NLRP14: variants seen among roughly 807,000 people sequenced by gnomAD.
The protein encoded by NLRP14 is NLR family pyrin domain containing 14.
In NLRP14, 105 loss-of-function variants were observed where a neutral mutation model predicts 94.7. That is an observed-to-expected ratio of 1.11 (90% CI 0.95 to 1.30). The LOEUF (loss-of-function observed/expected upper bound fraction) is 1.30, where lower values mean the gene tolerates loss of function less well. NLRP14 is among the 50% of genes most tolerant of loss of function. The probability of loss-of-function intolerance (pLI) is 0.00; values close to 1 mark genes in which losing one functional copy is unlikely to be tolerated. For missense variants in NLRP14, 1,362 were observed against 1,254.1 expected, an observed-to-expected ratio of 1.09 and a Z score of -1.30; for synonymous variants, 508 against 459.9, an observed-to-expected ratio of 1.10 and a Z score of -1.34.
Position 7,038,547 on chromosome 11 carries a change from A to T in NLRP14, c.-21-19A>T, listed in dbSNP as rs756845694. 10 of 1,589,550 alleles carry T rather than the reference A, an allele frequency of 6.3e-6. No individual in the cohort carries two copies. Among genetic ancestry groups the T allele is most frequent in the African/African-American group, 1.3e-5 (1 of 74,258 alleles). On this transcript the variant is annotated intron_variant, in intron 1 of 11. Coordinates refer to ENST00000299481, the MANE Select transcript of NLRP14 (RefSeq NM_176822.4). ...CCATTTATTCCATGTGCTTTTGGTT[A>T]TTTTTTTTCCCCCCACAGAGGCCTG... is the stretch of plus-strand genomic sequence containing the variant.
chr11:7,068,771 C>T (rs2119716538), intron 10 of NLRP14, among the ~76,000 whole-genome samples: 1 of 152,282 alleles, frequency 6.6e-6, no homozygotes, highest in Middle Eastern at 3.4e-3. Flanking sequence ...GCCTCCCAGC[C>T]TCACGAGTAG....
At chr11:7,062,212 C>T in intron 9 of NLRP14, 121 bp from the exon 10 acceptor site, 1 of 830,248 alleles carries the variant, frequency 1.2e-6, no homozygotes, top group Non-Finnish European at 2.0e-6. Context: ...CCATGTATGT[C>T]CTGGATTGTA....
chr11:7,064,787 C>CTGTAAA (rs1176841252), intron 10 of NLRP14, among the ~76,000 whole-genome samples: 1 of 152,040 alleles, frequency 6.6e-6, no homozygotes, highest in Admixed American at 6.6e-5. Context: ...ATATATGTAG[C>CTGTAAA]TGTAAAGTTC....
At chr11:7,033,318 G>A (rs778156606) in intron 1 of NLRP14, among the ~76,000 whole-genome samples, 2 of 152,082 alleles carry the variant, frequency 1.3e-5, no homozygotes, top group African/African-American at 2.4e-5. Flanking sequence ...CAGTTTTAAG[G>A]AATAACCATT....
intron 6 of NLRP14, among the ~76,000 whole-genome samples, chr11:7,051,408 T>C (rs1227832873): frequency 6.6e-6 from 1 of 152,192 alleles, no homozygotes; most frequent in East Asian, 1.9e-4. Context: ...TGCACAAGTT[T>C]TTAGAATTGC....
At chr11:7,065,692 T>C (rs373559278) in intron 10 of NLRP14, among the ~76,000 whole-genome samples, 9 of 152,054 alleles carry the variant, frequency 5.9e-5, no homozygotes, top group African/African-American at 2.2e-4. Flanking sequence ...CTACACCTAG[T>C]TTTCTAGGAG....
chr11:7,044,277 A>T (rs1333961235), intron 4 of NLRP14, among the ~76,000 whole-genome samples: 1 of 152,162 alleles, frequency 6.6e-6, no homozygotes, highest in African/African-American at 2.4e-5. Context: ...CTCAGGGGGA[A>T]TGAGCACTTC....
intron 4 of NLRP14, among the ~76,000 whole-genome samples, chr11:7,046,362 C>T (rs1276904499): frequency 1.3e-5 from 2 of 152,152 alleles, no homozygotes; most frequent in Non-Finnish European, 2.9e-5. Context: ...GATATTGGCT[C>T]TTCAAGTATT....
At chr11:7,051,254 G>A (rs1010298645) in intron 6 of NLRP14, among the ~76,000 whole-genome samples, 2 of 152,206 alleles carry the variant, frequency 1.3e-5, no homozygotes, top group African/African-American at 2.4e-5. Context: ...TTCCCCCAGT[G>A]TGGATGGCCA....
At chr11:7,082,204 A>T in the NLRP14 span, among the ~76,000 whole-genome samples, 1 of 152,212 alleles carries the variant, frequency 6.6e-6, no homozygotes, top group African/African-American at 2.4e-5. Flanking sequence ...CATCTGTCTG[A>T]GCAACATTTT....
the NLRP14 span, chr11:7,089,077 T>TCACCGCCTCC: frequency 1.3e-6 from 2 of 1,593,848 alleles, no homozygotes; most frequent in Middle Eastern, 1.7e-4. Flanking sequence ...TGGCGCCGCC[T>TCACCGCCTCC]CACCGCCTCC....
intron 1 of NLRP14, among the ~76,000 whole-genome samples, chr11:7,022,959 A>G (rs1237723004): frequency 1.3e-5 from 2 of 152,170 alleles, no homozygotes; most frequent in Non-Finnish European, 2.9e-5. Flanking sequence ...CAAAAATTAT[A>G]AGGACAGAAA....
At chr11:7,089,284 C>T in the NLRP14 span, 1 of 1,608,210 alleles carries the variant, frequency 6.2e-7, no homozygotes. Context: ...GCGTTCGTCA[C>T]CTTTGAAAGC....
At chr11:7,067,871 A>G (rs1332356934) in intron 10 of NLRP14, among the ~76,000 whole-genome samples, 19 of 152,016 alleles carry the variant, frequency 1.2e-4, no homozygotes, top group Admixed American at 1.2e-3. Context: ...GTAAGATTGG[A>G]ATTATTTCTT....
chr11:7,025,551 G>C (rs760537727), intron 1 of NLRP14, among the ~76,000 whole-genome samples: 2 of 152,102 alleles, frequency 1.3e-5, no homozygotes, highest in Admixed American at 6.5e-5. Flanking sequence ...TAAATTATTA[G>C]TCATTATGCT....
intron 1 of NLRP14, among the ~76,000 whole-genome samples, chr11:7,032,668 G>T (rs1852114490): frequency 6.6e-6 from 1 of 151,954 alleles, no homozygotes; most frequent in Admixed American, 6.6e-5. Context: ...ATCTGCCTAA[G>T]TTTGAAAATT....
At position 7,042,241 on chromosome 11, in the gene NLRP14, TA is replaced by T. The variant is rs988002195; in HGVS notation, c.362-141del. On this transcript the variant is annotated intron_variant, in intron 3 of 11. Transcript: ENST00000299481. ...GGAATATTTTTATTTATATTATTTT[TA>T]AAAAATCAAAACCAGCTCTGATTTC... The T allele has an allele frequency of 1.2e-4, 72 of 595,728 alleles. No individual in the cohort carries two copies. In the African/African-American group the frequency reaches 1.3e-3, roughly 11 times the overall value. 36.9% of individuals were successfully genotyped at this position (595,728 alleles called of 1,614,324 possible).
At chr11:7,039,344 C>A (rs1052584846) in intron 2 of NLRP14, among the ~76,000 whole-genome samples, 3 of 140,154 alleles carry the variant, frequency 2.1e-5, no homozygotes, top group African/African-American at 7.9e-5. Flanking sequence ...TACGCGTATA[C>A]AAGGCTTTAG....
At position 7,020,559 on chromosome 11, in the gene NLRP14, G is replaced by A. The variant is rs1240608730; in HGVS notation, c.-233G>A. On this transcript the variant is annotated 5_prime_UTR_variant, in exon 1 of 12. Coordinates refer to ENST00000299481, the MANE Select transcript of NLRP14 (RefSeq NM_176822.4). ...GCATTAATGGAATAGGAGAACTCCC[G>A]AAGCTTTTAGGGCCCTGGGAAAGGG... 6.6e-6 allele frequency: 1 copy of A among 152,296 alleles called. No homozygotes were observed. Among genetic ancestry groups the A allele is most frequent in the African/African-American group, 2.4e-5 (1 of 41,450 alleles). The allele number at this position is 152,296 out of a possible 1,614,324, so 9.4% of individuals were successfully genotyped here. A position where few individuals can be genotyped will look rare whatever the true frequency, so the allele number is the denominator to read the frequency against.
Sources: gnomAD v4.1 joint callset for allele counts (sites outside exome capture counted in the v4.1 genomes callset) on GRCh38, gnomAD v4.1.1 for gene constraint, MANE v1.5 for transcripts, NCBI Gene and HGNC (gene_info 2026-07-23, HGNC 2026-07-21) for gene names.